Variants in TCF12 observed in about 807,000 individuals in gnomAD.
TCF12 encodes DNA-binding protein HTF4.
Under a neutral mutation model 86.0 loss-of-function variants are expected in TCF12, and 45 were observed. That is an observed-to-expected ratio of 0.52 (90% confidence interval 0.41 to 0.67). The LOEUF (loss-of-function observed/expected upper bound fraction) is 0.67. TCF12 is among the 30% of genes least tolerant of loss of function. The pLI is 0.00. For synonymous variants in TCF12, 330 were observed against 299.6 expected (o/e 1.10, Z -1.05); for missense variants, 881 against 859.9 (o/e 1.02, Z -0.31).
At chr15:57,018,382 C>T (rs185866757) in intron 3 of TCF12, among the ~76,000 whole-genome samples, 62 of 152,348 alleles carry the variant, frequency 4.1e-4, no homozygotes, top group South Asian at 1.9e-3. Flanking sequence ...CAACAGATGA[C>T]TGCATAGCTC....
Position 56,919,912 on chromosome 15 carries a change from A to G in TCF12, c.-2A>G, listed in dbSNP as rs747569257. ...CCTAGGACCTGCTAGAAGTGGCCGA[A>G]GATGAATCCCCAGCAACAACGCATG... On this transcript the variant is annotated 5_prime_UTR_variant, in exon 2 of 21. Coordinates refer to ENST00000333725, the MANE Select transcript of TCF12 (RefSeq NM_207037.2). The G allele has an allele frequency of 1.2e-6, 2 of 1,613,848 alleles. No homozygotes were observed. Among genetic ancestry groups the G allele is most frequent in the Non-Finnish European group, 1.7e-6 (2 of 1,179,958 alleles).
chr15:57,189,016 T>C (rs1215062750), intron 6 of TCF12, among the ~76,000 whole-genome samples: 1 of 152,216 alleles, frequency 6.6e-6, no homozygotes, highest in Admixed American at 6.5e-5. Flanking sequence ...CTTGAACTCC[T>C]GGGTTCAAGA....
chr15:57,234,982 C>T (rs1424786386), intron 12 of TCF12, among the ~76,000 whole-genome samples: 1 of 152,140 alleles, frequency 6.6e-6, no homozygotes, highest in Non-Finnish European at 1.5e-5. Context: ...ACGTTAATAC[C>T]TGAGTGGTAG....
chr15:57,285,660 C>T (rs1212156806), intron 20 of TCF12, among the ~76,000 whole-genome samples: 1 of 152,214 alleles, frequency 6.6e-6, no homozygotes, highest in Non-Finnish European at 1.5e-5. Flanking sequence ...CACCTCAGAG[C>T]TCAGTTATTG....
intron 3 of TCF12, among the ~76,000 whole-genome samples, chr15:56,948,350 T>A (rs1385077493): frequency 6.6e-6 from 1 of 152,202 alleles, no homozygotes; most frequent in Non-Finnish European, 1.5e-5. Flanking sequence ...CAGAAAAGCC[T>A]GCATAAGGTT....
At chr15:57,163,063 A>G (rs752727595) in intron 5 of TCF12, among the ~76,000 whole-genome samples, 4 of 152,094 alleles carry the variant, frequency 2.6e-5, no homozygotes, top group Non-Finnish European at 5.9e-5. Flanking sequence ...AGTCCCAGCT[A>G]CTTGGGAGGC....
intron 5 of TCF12, among the ~76,000 whole-genome samples, chr15:57,095,238 C>T (rs2049245933): frequency 1.3e-5 from 2 of 152,120 alleles, no homozygotes; most frequent in Admixed American, 1.3e-4. Context: ...GCAGTGAATC[C>T]CATGGTCATT....
chr15:57,038,568 G>T (rs570339652), intron 3 of TCF12, among the ~76,000 whole-genome samples: 6 of 152,260 alleles, frequency 3.9e-5, no homozygotes, highest in African/African-American at 1.2e-4. Context: ...TGATTCACCA[G>T]CCTGAAAATA....
chr15:56,983,653 C>T (rs1220933269), intron 3 of TCF12, among the ~76,000 whole-genome samples: 1 of 151,974 alleles, frequency 6.6e-6, no homozygotes, highest in Non-Finnish European at 1.5e-5. Context: ...TCAGGTTTTA[C>T]CGTCAAATAA....
intron 20 of TCF12, among the ~76,000 whole-genome samples, chr15:57,283,958 T>C (rs189754409): frequency 2.6e-5 from 4 of 152,282 alleles, no homozygotes; most frequent in Non-Finnish European, 5.9e-5. Context: ...AAGTCAGTTA[T>C]AACTGTAACA....
At chr15:57,155,986 A>T (rs2054086643) in intron 5 of TCF12, among the ~76,000 whole-genome samples, 1 of 152,242 alleles carries the variant, frequency 6.6e-6, no homozygotes, top group Non-Finnish European at 1.5e-5. Context: ...GTTGAGTCTC[A>T]GTAAAAAATT....
chr15:57,165,539 A>ATT lies in TCF12; in HGVS notation c.326-849_326-848dup, dbSNP rs200604360. ...TTTGAGCTATGTCTATACTGTATTA[A>ATT]TTTTTTTTTTTTTTTGAGGCGGAGT... On this transcript the variant is annotated intron_variant, in intron 5 of 20. Transcript: ENST00000333725. Among the ~76,000 whole-genome samples the ATT allele has an allele frequency of 3.1e-3, 449 of 144,604 alleles. 1 individual carries two copies. The highest frequency in any genetic ancestry group is 0.011 in the Middle Eastern group (3 of 278). 94.9% of individuals were successfully genotyped at this position (144,604 alleles called of 152,430 possible).
intron 3 of TCF12, among the ~76,000 whole-genome samples, chr15:56,941,469 T>A (rs911504486): frequency 2.6e-5 from 4 of 151,172 alleles, no homozygotes; most frequent in Non-Finnish European, 5.9e-5. Context: ...GGCTCCCAGG[T>A]TCTAGCAATT....
intron 8 of TCF12, among the ~76,000 whole-genome samples, chr15:57,205,041 A>G (rs1020491113): frequency 3.3e-5 from 5 of 152,148 alleles, no homozygotes; most frequent in Non-Finnish European, 7.4e-5. Flanking sequence ...GGCCAGGCGC[A>G]GTGGCTCTCA....
At chr15:57,120,977 T>TA (rs1244666142) in intron 5 of TCF12, among the ~76,000 whole-genome samples, 1 of 151,006 alleles carries the variant, frequency 6.6e-6, no homozygotes, top group African/African-American at 2.5e-5. Flanking sequence ...TGAGACTGTC[T>TA]AAAAAAAAGA....
chr15:57,042,982 A>G (rs1480504418), intron 3 of TCF12, among the ~76,000 whole-genome samples: 5 of 152,178 alleles, frequency 3.3e-5, no homozygotes, highest in Non-Finnish European at 5.9e-5. Context: ...GATACTTCAT[A>G]TAAGTGGAAT....
At chr15:57,157,651 C>G (rs981646643) in intron 5 of TCF12, among the ~76,000 whole-genome samples, 11 of 151,742 alleles carry the variant, frequency 7.2e-5, no homozygotes, top group Non-Finnish European at 1.3e-4. Context: ...CAACCTCCAC[C>G]TTCTGGGTTC....
rs80334206 is a variant in TCF12 at position 56,976,388 on chromosome 15, G to A, written c.148+55290G>A. On this transcript the variant is annotated intron_variant, in intron 3 of 20. Coordinates refer to ENST00000333725, the MANE Select transcript of TCF12 (RefSeq NM_207037.2). ...TGGAAGTACAGGCGGCCGCTACCAC[G>A]CCTGGCTAATTTTTTTTTTTAAATA... Among the ~76,000 whole-genome samples the A allele has an allele frequency of 0.027, 3,973 of 147,022 alleles. 257 individuals carry two copies. In the East Asian group the frequency reaches 0.29, roughly 11 times the overall value.
intron 5 of TCF12, among the ~76,000 whole-genome samples, chr15:57,123,981 A>AAAAAAAAAAAAAAAT (rs2051436281): frequency 1.6e-5 from 2 of 121,244 alleles, no homozygotes; most frequent in Non-Finnish European, 4.0e-5. Flanking sequence ...AAAAAAAAAA[A>AAAAAAAAAAAAAAAT]ATTTTTTTTT....
Sources: allele counts gnomAD v4.1 joint callset (sites outside exome capture counted in the v4.1 genomes callset), GRCh38; gene constraint gnomAD v4.1.1; transcripts MANE v1.5; gene names NCBI Gene and HGNC (gene_info 2026-07-23, HGNC 2026-07-21).